The following PLCB4 variants were observed in gnomAD, a reference collection of about 807,000 sequenced individuals.
PLCB4 encodes phospholipase C beta 4.
A neutral mutation model predicts 178.8 loss-of-function variants in PLCB4; 77 were observed. The ratio of observed to expected loss-of-function variants is 0.43; its 90% CI spans 0.36 to 0.52. The LOEUF (loss-of-function observed/expected upper bound fraction) is 0.52. PLCB4 is among the 20% of genes least tolerant of loss of function. The probability of loss-of-function intolerance (pLI) is 0.00; values close to 1 mark genes in which losing one functional copy is unlikely to be tolerated. For missense variants in PLCB4, 1,024 were observed against 1,453.4 expected (o/e 0.70, Z 4.80); for synonymous variants, 496 against 490.8 (o/e 1.01, Z -0.14).
intron 14 of PLCB4, 59 bp downstream of exon 14, chr20:9,384,470 C>G: frequency 8.3e-7 from 1 of 1,203,792 alleles, no homozygotes; most frequent in Non-Finnish European, 1.2e-6. Flanking sequence ...GTTTAATTTA[C>G]TTTTCTCTGA....
intron 2 of PLCB4, among the ~76,000 whole-genome samples, chr20:9,112,675 T>G (rs563780971): frequency 1.2e-3 from 188 of 152,276 alleles, no homozygotes; most frequent in African/African-American, 4.4e-3. Flanking sequence ...TATAAACAGC[T>G]TATCTGGGCT....
intron 2 of PLCB4, among the ~76,000 whole-genome samples, chr20:9,127,638 TTATC>T (rs35789567): frequency 0.21 from 30,534 of 146,540 alleles, 3,546 homozygotes; most frequent in African/African-American, 0.3. Context: ...GGTGGTAAAA[TTATC>T]TATCTATCTA....
chr20:9,106,608 A>G (rs922670567), intron 2 of PLCB4, among the ~76,000 whole-genome samples: 5 of 152,096 alleles, frequency 3.3e-5, no homozygotes, highest in African/African-American at 1.2e-4. Context: ...TGCGTTAAAT[A>G]TTTCTAAATG....
intron 7 of PLCB4, among the ~76,000 whole-genome samples, chr20:9,349,078 A>G (rs1356941889): frequency 6.6e-6 from 1 of 151,978 alleles, no homozygotes; most frequent in Non-Finnish European, 1.5e-5. Context: ...AAAAGAAAAG[A>G]AAAAGAAACT....
chr20:9,222,009 G>T (rs1307562374), intron 3 of PLCB4, among the ~76,000 whole-genome samples: 1 of 147,002 alleles, frequency 6.8e-6, no homozygotes, highest in Non-Finnish European at 1.5e-5. Flanking sequence ...TGTTTCTTGG[G>T]CACCTTCTAT....
chr20:9,290,210 C>CCA (rs2094568826), intron 3 of PLCB4, among the ~76,000 whole-genome samples: 1 of 151,038 alleles, frequency 6.6e-6, no homozygotes, highest in Non-Finnish European at 1.5e-5. Flanking sequence ...ATTGCAGACA[C>CCA]AAGGACCAAA....
chr20:9,240,530 CCTAA>C (rs1250094176), intron 3 of PLCB4, among the ~76,000 whole-genome samples: 4 of 152,138 alleles, frequency 2.6e-5, no homozygotes, highest in Non-Finnish European at 4.4e-5. Flanking sequence ...TGTGAATTTT[CCTAA>C]CTATTATTGT....
intron 35 of PLCB4, 24 bp downstream of exon 35, chr20:9,459,834 G>C: frequency 6.5e-7 from 1 of 1,534,124 alleles, no homozygotes; most frequent in East Asian, 2.3e-5. Context: ...CGTCTCCAGA[G>C]TAAACATCTA....
chr20:9,122,255 TACTATA>T (rs567877353), intron 2 of PLCB4, among the ~76,000 whole-genome samples: 278 of 152,242 alleles, frequency 1.8e-3, no homozygotes, highest in Middle Eastern at 6.8e-3. Context: ...ACACAAAAAT[TACTATA>T]ACTATAACTC....
At chr20:9,159,132 A>G (rs935020353) in intron 2 of PLCB4, among the ~76,000 whole-genome samples, 7 of 152,198 alleles carry the variant, frequency 4.6e-5, no homozygotes, top group African/African-American at 1.4e-4. Flanking sequence ...CTAGAAGGCC[A>G]GTTTAGGTTG....
intron 3 of PLCB4, among the ~76,000 whole-genome samples, chr20:9,249,938 A>C (rs1417578124): frequency 6.6e-6 from 1 of 152,196 alleles, no homozygotes; most frequent in East Asian, 1.9e-4. Context: ...TCTGTATCCA[A>C]GGAATGCATT....
At chr20:9,443,680 C>T (rs1340946397) in intron 30 of PLCB4, among the ~76,000 whole-genome samples, 1 of 152,134 alleles carries the variant, frequency 6.6e-6, no homozygotes, top group Non-Finnish European at 1.5e-5. Context: ...GTTCCTCTGC[C>T]CTGCTCCACT....
chr20:9,331,188 T>C (rs2031589408), intron 4 of PLCB4, among the ~76,000 whole-genome samples: 1 of 152,190 alleles, frequency 6.6e-6, no homozygotes, highest in Non-Finnish European at 1.5e-5. Context: ...AAGGTTTTCT[T>C]TCCCAGAAAA....
intron 27 of PLCB4, among the ~76,000 whole-genome samples, chr20:9,423,136 G>T (rs12481178): frequency 1.3e-5 from 2 of 152,176 alleles, no homozygotes; most frequent in Admixed American, 1.3e-4. Context: ...GTATGTTAAT[G>T]TTTCTAGCTA....
intron 2 of PLCB4, among the ~76,000 whole-genome samples, chr20:9,098,268 A>AATATGTATATATGTATATGTATAT (rs2090995177): frequency 6.6e-6 from 1 of 152,214 alleles, no homozygotes; most frequent in Non-Finnish European, 1.5e-5. Flanking sequence ...GAGTTATAAA[A>AATATGTATATATGTATATGTATAT]ATACACTTTT....
chr20:9,454,152 C>G (rs1473956042), intron 33 of PLCB4, among the ~76,000 whole-genome samples: 1 of 152,170 alleles, frequency 6.6e-6, no homozygotes, highest in Non-Finnish European at 1.5e-5. Context: ...TTGGATTTGT[C>G]TGATATTTTC....
chr20:9,344,907 A>G (rs2148118123), intron 7 of PLCB4, among the ~76,000 whole-genome samples: 1 of 152,336 alleles, frequency 6.6e-6, no homozygotes, highest in Admixed American at 6.5e-5. Context: ...GTTAAAAAGA[A>G]TTACTAACAA....
intron 25 of PLCB4, among the ~76,000 whole-genome samples, chr20:9,418,523 T>C (rs2040408566): frequency 6.6e-6 from 1 of 152,158 alleles, no homozygotes; most frequent in South Asian, 2.1e-4. Context: ...CAATGAGTTA[T>C]GTGTTTTTCT....
At chr20:9,090,137 C>T (rs530723929) in intron 1 of PLCB4, among the ~76,000 whole-genome samples, 1 of 151,772 alleles carries the variant, frequency 6.6e-6, no homozygotes, top group South Asian at 2.1e-4. Flanking sequence ...AATCATTGGC[C>T]TTTGGTGAAG....
Sources: allele counts gnomAD v4.1 joint callset (sites outside exome capture counted in the v4.1 genomes callset), GRCh38; gene constraint gnomAD v4.1.1; transcripts MANE v1.5; gene names NCBI Gene and HGNC (gene_info 2026-07-23, HGNC 2026-07-21).